SRGAP3: variants seen among roughly 807,000 people sequenced by gnomAD.
SRGAP3 encodes SLIT-ROBO Rho GTPase-activating protein 3.
In SRGAP3, 39 loss-of-function variants were observed where a neutral mutation model predicts 121.1. The ratio of observed to expected loss-of-function variants is 0.32; its 90% CI spans 0.25 to 0.42. SRGAP3 has a LOEUF of 0.42. SRGAP3 is among the 10% of genes least tolerant of loss of function. SRGAP3 has a pLI of 1.00. For missense variants in SRGAP3, 1,213 were observed against 1,470.6 expected, an observed-to-expected ratio of 0.82 and a Z score of 2.86; for synonymous variants, 601 against 570.0, an observed-to-expected ratio of 1.05 and a Z score of -0.77.
At chr3:8,995,686 G>C (rs1423031385) in intron 18 of SRGAP3, among the ~76,000 whole-genome samples, 2 of 152,104 alleles carry the variant, frequency 1.3e-5, no homozygotes, top group African/African-American at 4.8e-5. Flanking sequence ...GTGATATTTG[G>C]GGAAGAGACG....
chr3:9,048,316 A>G (rs530120291), intron 9 of SRGAP3, among the ~76,000 whole-genome samples: 11 of 152,346 alleles, frequency 7.2e-5, no homozygotes, highest in African/African-American at 2.2e-4. Flanking sequence ...CCTCTGCTGC[A>G]TGGCCAGCTG....
At chr3:9,058,714 CTTTTTTTTTT>C (rs71049768) in intron 6 of SRGAP3, 1 of 212,824 alleles carries the variant, frequency 4.7e-6, no homozygotes, top group Non-Finnish European at 8.4e-6. Flanking sequence ...TTCTCTCTCT[CTTTTTTTTTT>C]TTTTTTTTTT....
chr3:9,152,403 G>C (rs1282661329), intron 1 of SRGAP3, among the ~76,000 whole-genome samples: 2 of 151,894 alleles, frequency 1.3e-5, no homozygotes. Flanking sequence ...CTCTCTCTGT[G>C]TCTCTCTCTC....
rs1946079791 is a variant in SRGAP3, at chr3:9,060,237, C to G, written c.795G>C (p.Leu265=). 1 of 1,613,896 alleles carries G rather than the reference C, an allele frequency of 6.2e-7. No individual in the cohort carries two copies. ...GACTCCCCAGGGAGCTCACATCGAT[C>G]AGATCAGAGACATCATGGATGTAGT... ...SKYYIHDVSD[L]IDCCDLGFHA... is the part of the protein sequence containing the mutation. The change falls in exon 6 of 22, where the codon CTG becomes CTC. Residue 265 remains leucine (L), a synonymous_variant. Coordinates refer to ENST00000383836, the MANE Select transcript of SRGAP3 (RefSeq NM_014850.4).
At chr3:9,225,375 G>C (rs1952951039) in intron 1 of SRGAP3, among the ~76,000 whole-genome samples, 1 of 152,162 alleles carries the variant, frequency 6.6e-6, no homozygotes, top group Non-Finnish European at 1.5e-5. Flanking sequence ...CTTTGCTGAG[G>C]AAGAGGAAGC....
chr3:9,308,403 G>T (rs1955192212), intron 3 of SRGAP3, among the ~76,000 whole-genome samples: 1 of 152,114 alleles, frequency 6.6e-6, no homozygotes, highest in African/African-American at 2.4e-5. Context: ...AATCAGAAGG[G>T]CACTGAAATG....
At chr3:9,244,989 T>C (rs575332678) in intron 1 of SRGAP3, among the ~76,000 whole-genome samples, 52 of 152,336 alleles carry the variant, frequency 3.4e-4, no homozygotes, top group African/African-American at 9.6e-4. Context: ...ATGTTAATAG[T>C]AGTATTGCAG....
intron 3 of SRGAP3, among the ~76,000 whole-genome samples, chr3:9,277,366 A>G (rs2648506): frequency 0.96 from 145,289 of 151,886 alleles, 69,527 homozygotes; most frequent in East Asian, 1. Flanking sequence ...TTGGGAGGCC[A>G]AGGCGAGCAG....
intron 1 of SRGAP3, among the ~76,000 whole-genome samples, chr3:9,333,636 A>G (rs947073997): frequency 6.6e-6 from 1 of 151,840 alleles, no homozygotes; most frequent in Non-Finnish European, 1.5e-5. Context: ...GCAATTTCCC[A>G]TGTCTTTCTT....
At chr3:9,167,569 G>C (rs557381775) in intron 1 of SRGAP3, among the ~76,000 whole-genome samples, 1 of 152,260 alleles carries the variant, frequency 6.6e-6, no homozygotes, top group East Asian at 1.9e-4. Flanking sequence ...ACGCCTAGGG[G>C]GGGAGCAGGA....
At chr3:9,075,861 C>T (rs3887568) in intron 4 of SRGAP3, among the ~76,000 whole-genome samples, 13,585 of 152,160 alleles carry the variant, frequency 0.089, 1,782 homozygotes, top group African/African-American at 0.29. Flanking sequence ...AGCAATGAAG[C>T]ATGAATTTGG....
At chr3:9,343,313 C>G (rs533646790) in intron 1 of SRGAP3, among the ~76,000 whole-genome samples, 1 of 152,266 alleles carries the variant, frequency 6.6e-6, no homozygotes, top group African/African-American at 2.4e-5. Flanking sequence ...TGTTTATAGT[C>G]CTCGTAGGGC....
At chr3:9,349,272 C>G in intron 1 of SRGAP3, 1 of 490,120 alleles carries the variant, frequency 2.0e-6, no homozygotes, top group African/African-American at 2.0e-5. Context: ...CTGCACATGT[C>G]ACACTGACCA....
At chr3:9,357,768 G>A (rs969426695) in intron 1 of SRGAP3, among the ~76,000 whole-genome samples, 3 of 152,062 alleles carry the variant, frequency 2.0e-5, no homozygotes, top group Non-Finnish European at 4.4e-5. Flanking sequence ...TCACATTTAA[G>A]TCTCCCAATA....
At chr3:9,067,772 G>A (rs773984188) in intron 4 of SRGAP3, among the ~76,000 whole-genome samples, 3 of 151,966 alleles carry the variant, frequency 2.0e-5, no homozygotes, top group Admixed American at 1.3e-4. Flanking sequence ...ACAAACCTGC[G>A]TGTCCTGCAC....
intron 1 of SRGAP3, among the ~76,000 whole-genome samples, chr3:9,342,560 C>A (rs1575019654): frequency 6.6e-6 from 1 of 152,232 alleles, no homozygotes; most frequent in East Asian, 1.9e-4. Context: ...CTGATATTCT[C>A]TCTTCCTTTG....
intron 21 of SRGAP3, among the ~76,000 whole-genome samples, chr3:8,987,101 T>C (rs1393401203): frequency 6.6e-6 from 1 of 152,254 alleles, no homozygotes; most frequent in Non-Finnish European, 1.5e-5. Context: ...ATTTTGTTCA[T>C]CTATTACAAT....
chr3:9,180,418 C>T (rs1263854615), intron 1 of SRGAP3, among the ~76,000 whole-genome samples: 1 of 152,160 alleles, frequency 6.6e-6, no homozygotes, highest in African/African-American at 2.4e-5. Context: ...ATTCCCCTTA[C>T]CCTCTCTTGT....
rs1232718115 is a variant in SRGAP3, at chr3:8,983,116, T to C, written c.*2403A>G. The C allele has an allele frequency of 4.4e-6, 1 of 227,086 alleles. No homozygotes were observed. Among genetic ancestry groups the C allele is most frequent in the Non-Finnish European group, 8.8e-6 (1 of 114,274 alleles). 14.1% of individuals were successfully genotyped at this position (227,086 alleles called of 1,614,324 possible). A position where few individuals can be genotyped will look rare whatever the true frequency, so the allele number is the denominator to read the frequency against. ...ATCTTGAGGGTAGAAATCAGAAGTCTTGTGTCCTGGCTGGACAGTATAGCA... is the reference window on the plus strand; with the variant it reads ...ATCTTGAGGGTAGAAATCAGAAGTCCTGTGTCCTGGCTGGACAGTATAGCA... On this transcript the variant is annotated 3_prime_UTR_variant, in exon 22 of 22. Transcript: ENST00000383836.
Sources: allele counts gnomAD v4.1 joint callset (sites outside exome capture counted in the v4.1 genomes callset), GRCh38; gene constraint gnomAD v4.1.1; transcripts MANE v1.5; gene names NCBI Gene and HGNC (gene_info 2026-07-23, HGNC 2026-07-21).